The following RYR2 variants were observed in gnomAD, a reference collection of about 807,000 sequenced individuals.
The protein encoded by RYR2 is ryanodine receptor 2.
Under a neutral mutation model 601.1 loss-of-function variants are expected in RYR2, and 227 were observed. The ratio of observed to expected loss-of-function variants is 0.38; its 90% confidence interval spans 0.34 to 0.42. RYR2 has a LOEUF of 0.42. RYR2 is among the 10% of genes least tolerant of loss of function. The pLI, the probability that RYR2 is intolerant of heterozygous loss-of-function variation, is 1.00. For missense variants in RYR2, 4,646 were observed against 6,156.5 expected, an observed-to-expected ratio of 0.75 and a Z score of 8.21; for synonymous variants, 2,223 against 2,175.1, an observed-to-expected ratio of 1.02 and a Z score of -0.61.
chr1:237,180,642 ATATG>A lies in RYR2; in HGVS notation c.49-89851_49-89848del, dbSNP rs751687721. On this transcript the variant is annotated intron_variant, in intron 1 of 104. Coordinates refer to ENST00000366574, the MANE Select transcript of RYR2 (RefSeq NM_001035.3). The surrounding 1 kb of genome is among the most constrained non-coding windows in gnomAD (Gnocchi z 5.3). ...TATATATGTATATGTGTATATATGT[ATATG>A]TATATGTGTATATATGTATACATGT... Among the ~76,000 whole-genome samples, 3 of 76,664 alleles carry A rather than the reference ATATG, an allele frequency of 3.9e-5. No individual in the cohort carries two copies. The highest frequency in any genetic ancestry group is 1.8e-4 in the African/African-American group (3 of 16,392). 50.3% of individuals were successfully genotyped at this position (76,664 alleles called of 152,430 possible). A position where few individuals can be genotyped will look rare whatever the true frequency, so the allele number is the denominator to read the frequency against.
chr1:237,218,237 T>G (rs1223162936), intron 1 of RYR2, among the ~76,000 whole-genome samples: 1 of 152,214 alleles, frequency 6.6e-6, no homozygotes, highest in Non-Finnish European at 1.5e-5. Flanking sequence ...AAATTGTGAA[T>G]TATTGATTAT....
intron 10 of RYR2, among the ~76,000 whole-genome samples, chr1:237,394,034 A>G (rs941158036): frequency 1.3e-4 from 20 of 152,260 alleles, no homozygotes; most frequent in Non-Finnish European, 2.6e-4. Flanking sequence ...AATAGATTAA[A>G]ATCAACATTA....
At chr1:237,804,481 T>G (rs1277250803) in intron 98 of RYR2, among the ~76,000 whole-genome samples, 2 of 151,982 alleles carry the variant, frequency 1.3e-5, no homozygotes, top group Non-Finnish European at 2.9e-5. Context: ...CTTCCCCAAA[T>G]GGGTGGTTTC....
chr1:237,098,562 TGTG>T (rs1210243977), intron 1 of RYR2, among the ~76,000 whole-genome samples: 1 of 152,092 alleles, frequency 6.6e-6, no homozygotes, highest in Non-Finnish European at 1.5e-5. Context: ...ATAAAGAAAA[TGTG>T]GTATATATAC....
At chr1:237,622,314 C>T (rs1046819956) in intron 38 of RYR2, among the ~76,000 whole-genome samples, 1 of 151,916 alleles carries the variant, frequency 6.6e-6, no homozygotes, top group African/African-American at 2.4e-5. Context: ...TTAACCATGC[C>T]GAATATGAAA....
chr1:237,329,347 T>A (rs896056539), intron 2 of RYR2, among the ~76,000 whole-genome samples: 2 of 151,676 alleles, frequency 1.3e-5, no homozygotes, highest in African/African-American at 2.4e-5. Context: ...TTTTTATATT[T>A]AAAAAAAATT....
chr1:237,341,483 T>C (rs1408688696), intron 3 of RYR2, among the ~76,000 whole-genome samples: 1 of 152,210 alleles, frequency 6.6e-6, no homozygotes, highest in Non-Finnish European at 1.5e-5. Context: ...TGGTGTGTTT[T>C]CTTCAAAGCA....
At chr1:237,131,205 A>T (rs1006550943) in intron 1 of RYR2, among the ~76,000 whole-genome samples, 1 of 152,148 alleles carries the variant, frequency 6.6e-6, no homozygotes, top group African/African-American at 2.4e-5. Flanking sequence ...AGTCTGTGGA[A>T]CACTGAAGGC....
intron 16 of RYR2, among the ~76,000 whole-genome samples, chr1:237,458,910 G>A (rs1186701090): frequency 6.6e-6 from 1 of 152,038 alleles, no homozygotes; most frequent in South Asian, 2.1e-4. Flanking sequence ...TCATTAGGTG[G>A]GCTATTTGAT....
Position 237,248,155 on chromosome 1 carries a change from C to T in RYR2, c.49-22342C>T, listed in dbSNP as rs189112734. Among the ~76,000 whole-genome samples the T allele has an allele frequency of 1.8e-3, 272 of 151,764 alleles. 1 individual carries two copies. Among genetic ancestry groups the T allele is most frequent in the African/African-American group, 6.3e-3 (262 of 41,390 alleles). On this transcript the variant is annotated intron_variant, in intron 1 of 104. Coordinates refer to ENST00000366574, the MANE Select transcript of RYR2 (RefSeq NM_001035.3). ...GGTGTGGTGGTGCACTCCTGTAATC[C>T]CAGCTACTCAGGAGGCTGAGGCAGG...
intron 16 of RYR2, among the ~76,000 whole-genome samples, chr1:237,457,917 G>C (rs1401431235): frequency 6.6e-6 from 1 of 151,998 alleles, no homozygotes; most frequent in African/African-American, 2.4e-5. Flanking sequence ...TATCATTCTA[G>C]AAGATAAAGT....
rs560145630 is a variant in RYR2 at position 237,698,846 on chromosome 1, A to G, written c.9068-119A>G. 5.8e-4 allele frequency: 332 copies of G among 569,120 alleles called. 2 individuals are homozygous for G. In the East Asian group the frequency reaches 9.8e-3, roughly 17 times the overall value. 35.3% of individuals were successfully genotyped at this position (569,120 alleles called of 1,614,324 possible). The stretch of plus-strand genomic sequence containing the variant: ...TGATTTCAAACTTGATTATTAAAAA[A>G]CCTTTTAAAATATTACTGTTGTGTC... On this transcript the variant is annotated intron_variant, in intron 63 of 104. Coordinates refer to ENST00000366574, the MANE Select transcript of RYR2 (RefSeq NM_001035.3).
At chr1:237,552,118 A>C (rs58274684) in intron 27 of RYR2, among the ~76,000 whole-genome samples, 41,463 of 152,088 alleles carry the variant, frequency 0.27, 5,827 homozygotes, top group South Asian at 0.38. Context: ...TCTTGAGGTT[A>C]GCTTTCTAAC....
chr1:237,405,104 T>G (rs534318176), intron 10 of RYR2, among the ~76,000 whole-genome samples: 22 of 152,272 alleles, frequency 1.4e-4, no homozygotes, highest in African/African-American at 5.3e-4. Flanking sequence ...AATGGTGGTG[T>G]TTCTCAGCCA....
intron 4 of RYR2, among the ~76,000 whole-genome samples, chr1:237,362,446 G>C (rs1275191146): frequency 1.3e-5 from 2 of 152,132 alleles, no homozygotes; most frequent in Non-Finnish European, 2.9e-5. Flanking sequence ...CAAAGAGGCT[G>C]CTTTCTTCAA....
At chr1:237,480,627 C>T (rs1008150376) in intron 17 of RYR2, among the ~76,000 whole-genome samples, 1 of 152,008 alleles carries the variant, frequency 6.6e-6, no homozygotes, top group Non-Finnish European at 1.5e-5. Context: ...AAACTGAAGG[C>T]AGCAAACCAT....
intron 1 of RYR2, among the ~76,000 whole-genome samples, chr1:237,103,358 A>C (rs765300817): frequency 6.6e-6 from 1 of 152,252 alleles, no homozygotes; most frequent in South Asian, 2.1e-4. Context: ...CCTGCTGCCC[A>C]GGGCATGCAA....
At chr1:237,724,566 C>T (rs1690045120) in intron 74 of RYR2, among the ~76,000 whole-genome samples, 1 of 151,716 alleles carries the variant, frequency 6.6e-6, no homozygotes, top group Non-Finnish European at 1.5e-5. Context: ...TATCTAATAC[C>T]TTGGAACTTA....
chr1:237,529,198 G>A (rs1417875158), intron 24 of RYR2, among the ~76,000 whole-genome samples: 2 of 152,076 alleles, frequency 1.3e-5, no homozygotes, highest in Non-Finnish European at 2.9e-5. Flanking sequence ...ATTTGTTCCT[G>A]TGAGTTCGTT....
Sources: gnomAD v4.1 joint callset for allele counts (sites outside exome capture counted in the v4.1 genomes callset) on GRCh38, gnomAD v4.1.1 for gene constraint, Gnocchi (gnomAD v3.1) non-coding constraint, MANE v1.5 for transcripts, NCBI Gene and HGNC (gene_info 2026-07-23, HGNC 2026-07-21) for gene names.